Variants in MYT1L observed in about 807,000 individuals in gnomAD.
MYT1L encodes the protein myelin transcription factor 1 like, also known as myelin transcription factor 1-like protein.
MYT1L carries 12 observed loss-of-function variants against 126.7 expected under a neutral mutation model. The ratio of observed to expected loss-of-function variants is 0.09; its 90% CI spans 0.06 to 0.15. MYT1L has a LOEUF of 0.15. Among genes scored for constraint, MYT1L ranks in the 10% least tolerant of loss-of-function variants. The pLI is 1.00. For missense variants in MYT1L, 979 were observed against 1,585.2 expected, an observed-to-expected ratio of 0.62 and a Z score of 6.49; for synonymous variants, 541 against 604.2, an observed-to-expected ratio of 0.90 and a Z score of 1.53.
intron 3 of MYT1L, among the ~76,000 whole-genome samples, chr2:2,131,808 C>T (rs890167601): frequency 6.6e-6 from 1 of 151,204 alleles, no homozygotes; most frequent in Non-Finnish European, 1.5e-5. Flanking sequence ...TGTAACCTCA[C>T]TCTGTGCTGC....
intron 2 of MYT1L, among the ~76,000 whole-genome samples, chr2:2,185,824 G>A (rs1271566970): frequency 2.3e-5 from 3 of 131,166 alleles, no homozygotes; most frequent in Non-Finnish European, 4.7e-5. Context: ...CCCGAGTCCC[G>A]CGTTCCTTCT....
intron 18 of MYT1L, among the ~76,000 whole-genome samples, chr2:1,877,122 CTGGGGAGACCCCCG>C (rs1450944102): frequency 1.3e-5 from 2 of 152,224 alleles, no homozygotes; most frequent in Non-Finnish European, 2.9e-5. Flanking sequence ...CACCCTAGCT[CTGGGGAGACCCCCG>C]TGGTTGCAGC....
chr2:2,242,816 A>G (rs1188604860), intron 2 of MYT1L, among the ~76,000 whole-genome samples: 6 of 152,230 alleles, frequency 3.9e-5, no homozygotes, highest in Non-Finnish European at 7.3e-5. Context: ...ATGGCAGAAA[A>G]TCCTGAGGAA....
intron 1 of MYT1L, among the ~76,000 whole-genome samples, chr2:2,312,769 A>G (rs1264028910): frequency 2.6e-5 from 4 of 152,184 alleles, no homozygotes; most frequent in Non-Finnish European, 4.4e-5. Context: ...ACAGAGGAGA[A>G]CATATTCATT....
At chr2:2,125,961 C>A (rs1212617593) in intron 3 of MYT1L, among the ~76,000 whole-genome samples, 1 of 152,202 alleles carries the variant, frequency 6.6e-6, no homozygotes, top group Admixed American at 6.5e-5. Context: ...AGCTTCACAG[C>A]ATTTTCCTGT....
At chr2:1,930,791 G>A (rs985074779) in intron 9 of MYT1L, among the ~76,000 whole-genome samples, 1 of 152,152 alleles carries the variant, frequency 6.6e-6, no homozygotes, top group African/African-American at 2.4e-5. Flanking sequence ...AAACTTTTAG[G>A]TTCGGGGGTC....
intron 3 of MYT1L, among the ~76,000 whole-genome samples, chr2:2,095,968 A>G (rs995069568): frequency 4.6e-5 from 7 of 151,894 alleles, no homozygotes; most frequent in Non-Finnish European, 5.9e-5. Context: ...GTGAACGTGG[A>G]CACGCGTGGG....
chr2:2,256,505 T>C (rs1015688360), intron 2 of MYT1L, among the ~76,000 whole-genome samples: 1 of 152,346 alleles, frequency 6.6e-6, no homozygotes, highest in Non-Finnish European at 1.5e-5. Context: ...ACCATCTGGC[T>C]CTAAGGTCAA....
chr2:2,174,154 C>A (rs954182608), intron 2 of MYT1L, among the ~76,000 whole-genome samples: 1 of 152,084 alleles, frequency 6.6e-6, no homozygotes, highest in Non-Finnish European at 1.5e-5. Context: ...TGAGAGTTAG[C>A]GTATTCGTTT....
chr2:2,004,502 C>CTTTCCTGCAGGCATTA (rs764144322), intron 4 of MYT1L, among the ~76,000 whole-genome samples: 4 of 149,558 alleles, frequency 2.7e-5, no homozygotes, highest in Admixed American at 2.7e-4. Flanking sequence ...TGCAGGCATT[C>CTTTCCTGCAGGCATTA]TTTCCTGCAG....
At chr2:2,281,071 T>C (rs2095440319) in intron 2 of MYT1L, among the ~76,000 whole-genome samples, 1 of 152,184 alleles carries the variant, frequency 6.6e-6, no homozygotes, top group Admixed American at 6.5e-5. Context: ...CCACATGTTG[T>C]GGGATGGACC....
In MYT1L at chr2:2,203,429, T is replaced by A. The variant is rs541926439; in HGVS notation, c.-420-30441A>T. On this transcript the variant is annotated intron_variant, in intron 2 of 24. Coordinates refer to ENST00000647738, the MANE Select transcript of MYT1L (RefSeq NM_001303052.2). ...CTTCAGCAAATCTCAGGATAAAAAA[T>A]CAATGTGCAAAAATCACAAGCATTC... Among the ~76,000 whole-genome samples the A allele has an allele frequency of 4.0e-5, 6 of 150,078 alleles. 1 individual carries two copies. In the South Asian group the frequency reaches 1.3e-3, roughly 32 times the overall value.
intron 22 of MYT1L, among the ~76,000 whole-genome samples, chr2:1,803,828 T>G (rs1256585816): frequency 6.6e-6 from 1 of 152,100 alleles, no homozygotes; most frequent in Non-Finnish European, 1.5e-5. Flanking sequence ...CACAGAGCAT[T>G]CCCGGCCCAT....
At chr2:2,045,280 T>C (rs1450921984) in intron 4 of MYT1L, among the ~76,000 whole-genome samples, 2 of 152,170 alleles carry the variant, frequency 1.3e-5, no homozygotes, top group Non-Finnish European at 2.9e-5. Context: ...GATATCACAG[T>C]TTCTGGGGCA....
At chr2:1,895,844 C>T (rs556019469) in intron 14 of MYT1L, among the ~76,000 whole-genome samples, 12 of 152,182 alleles carry the variant, frequency 7.9e-5, no homozygotes, top group African/African-American at 2.9e-4. Flanking sequence ...CAAGAGGGAC[C>T]TAATTAAACA....
At chr2:2,025,663 G>A (rs537380042) in intron 4 of MYT1L, among the ~76,000 whole-genome samples, 2 of 152,294 alleles carry the variant, frequency 1.3e-5, no homozygotes, top group South Asian at 4.1e-4. Context: ...AGCACGTGTG[G>A]TGCACCCAGC....
intron 3 of MYT1L, among the ~76,000 whole-genome samples, chr2:2,124,388 T>A (rs974461397): frequency 9.9e-5 from 15 of 152,134 alleles, no homozygotes; most frequent in African/African-American, 3.6e-4. Context: ...CTCTGCCTCC[T>A]GGGCTAAAGT....
chr2:1,898,095 G>A (rs931711291), intron 14 of MYT1L, among the ~76,000 whole-genome samples: 8 of 152,196 alleles, frequency 5.3e-5, no homozygotes, highest in Admixed American at 1.3e-4. Flanking sequence ...TACTCTGCTT[G>A]TGAAATTCTT....
At chr2:1,918,997 A>G (rs1458945114) in intron 10 of MYT1L, among the ~76,000 whole-genome samples, 2 of 152,208 alleles carry the variant, frequency 1.3e-5, no homozygotes, top group Non-Finnish European at 1.5e-5. Context: ...AATACTGACA[A>G]TCATAAACTT....
Sources: allele counts gnomAD v4.1 joint callset (sites outside exome capture counted in the v4.1 genomes callset), GRCh38; gene constraint gnomAD v4.1.1; transcripts MANE v1.5; gene names NCBI Gene and HGNC (gene_info 2026-07-23, HGNC 2026-07-21).